LATS2: variants seen among roughly 807,000 people sequenced by gnomAD.
The protein encoded by LATS2 is serine/threonine-protein kinase LATS2.
In LATS2, 24 loss-of-function variants were observed where a neutral mutation model predicts 76.0. The observed-to-expected ratio is 0.32, with a 90% confidence interval of 0.23 to 0.44. The LOEUF is 0.44. LATS2 is among the 20% of genes least tolerant of loss of function. The probability of loss-of-function intolerance (pLI) is 1.00; values close to 1 mark genes in which losing one functional copy is unlikely to be tolerated. For missense variants in LATS2, 1,286 were observed against 1,481.2 expected (o/e 0.87, Z 2.16); for synonymous variants, 692 against 635.4 (o/e 1.09, Z -1.34).
intron 2 of LATS2, among the ~76,000 whole-genome samples, chr13:21,019,295 TTTGTTATTA>T (rs1871936975): frequency 2.8e-5 from 3 of 108,770 alleles, no homozygotes; most frequent in South Asian, 3.4e-4. Flanking sequence ...CTCACTTGGA[TTTGTTATTA>T]TTATTATTAT....
chr13:21,048,048 G>C (rs1471171875), intron 1 of LATS2, among the ~76,000 whole-genome samples: 1 of 152,228 alleles, frequency 6.6e-6, no homozygotes, highest in East Asian at 1.9e-4. Flanking sequence ...TCCAGGGACA[G>C]CCCAGATCCC....
At chr13:21,038,024 T>G (rs544289099) in intron 2 of LATS2, among the ~76,000 whole-genome samples, 209 of 152,290 alleles carry the variant, frequency 1.4e-3, no homozygotes, top group Non-Finnish European at 2.4e-3. Context: ...GTGGACCGCT[T>G]GAGCCCAGGA....
At chr13:21,021,474 CAAAAAAAAAAAAAA>C (rs58976562) in intron 2 of LATS2, among the ~76,000 whole-genome samples, 4 of 48,372 alleles carry the variant, frequency 8.3e-5, no homozygotes, top group South Asian at 8.3e-4. Flanking sequence ...GACTCTGTCT[CAAAAAAAAAAAAAA>C]AAAAAAAAAA....
intron 2 of LATS2, among the ~76,000 whole-genome samples, chr13:21,028,076 C>T (rs1160788730): frequency 2.0e-5 from 3 of 152,074 alleles, no homozygotes; most frequent in African/African-American, 7.2e-5. Context: ...GCTATCCCTC[C>T]CCCTTCCCCC....
chr13:20,978,743 G>C (rs1420535835), intron 7 of LATS2, among the ~76,000 whole-genome samples: 2 of 152,078 alleles, frequency 1.3e-5, no homozygotes, highest in Non-Finnish European at 2.9e-5. Context: ...TATTAAAATA[G>C]TAAACCTATT....
At chr13:20,997,639 A>G (rs9552322) in intron 2 of LATS2, among the ~76,000 whole-genome samples, 23,923 of 152,160 alleles carry the variant, frequency 0.16, 2,751 homozygotes, top group East Asian at 0.47. Flanking sequence ...ACCAGCTGCC[A>G]GACAGCCTAG....
intron 1 of LATS2, among the ~76,000 whole-genome samples, chr13:21,047,077 C>A (rs1309280717): frequency 1.3e-5 from 2 of 152,042 alleles, no homozygotes; most frequent in East Asian, 1.9e-4. Context: ...TTACATGGAA[C>A]GCGATGTCAC....
rs775060105 is a variant in LATS2 at position 20,979,671 on chromosome 13, C to T, written c.2772+20G>A. On this transcript the variant is annotated intron_variant, in intron 7 of 7. Transcript: ENST00000382592. ...ATCAGATGTCTACAGCAAGCAGATG[C>T]GTGGTTCCTCTCACATTACCTTCAG... 34 of 1,398,450 alleles carry T rather than the reference C, an allele frequency of 2.4e-5. No homozygotes were observed. The highest frequency in any genetic ancestry group is 3.4e-5 in the Admixed American group (2 of 59,184). 86.6% of individuals were successfully genotyped at this position (1,398,450 alleles called of 1,614,324 possible). A position where few individuals can be genotyped will look rare whatever the true frequency, so the allele number is the denominator to read the frequency against.
Position 21,030,958 on chromosome 13 carries a change from T to C in LATS2, c.342+14727A>G, listed in dbSNP as rs545891015. ...TCCCCCGGAAATGTCTTTACGACACTTTCATTTCAGAAAGACAGTTTGCTA... is the reference window on the plus strand; with the variant it reads ...TCCCCCGGAAATGTCTTTACGACACCTTCATTTCAGAAAGACAGTTTGCTA... On this transcript the variant is annotated intron_variant, in intron 2 of 7. Transcript: ENST00000382592. Among the ~76,000 whole-genome samples, 5 of 152,212 alleles carry C rather than the reference T, an allele frequency of 3.3e-5. No homozygotes were observed. In the South Asian group the frequency reaches 1.0e-3, roughly 32 times the overall value.
intron 2 of LATS2, among the ~76,000 whole-genome samples, chr13:21,022,059 A>G (rs2138362843): frequency 6.6e-6 from 1 of 152,354 alleles, no homozygotes; most frequent in East Asian, 1.9e-4. Flanking sequence ...AGGAGAAAAG[A>G]CTATTTTCGT....
At position 20,987,964 on chromosome 13, in the gene LATS2, TGAAGAACTTAAA is replaced by T; in HGVS notation, c.1804_1815del (p.Phe602_Phe605del). The T allele has an allele frequency of 6.2e-7, 1 of 1,614,246 alleles. No individual in the cohort carries two copies. The highest frequency in any genetic ancestry group is 1.3e-5 in the African/African-American group (1 of 75,076). On this transcript the variant is annotated inframe_deletion, in exon 4 of 8. Coordinates refer to ENST00000382592, the MANE Select transcript of LATS2 (RefSeq NM_014572.3). ...ATGACATTCTCCACGTGCTGCTCCATGAAGAACTTAAAGGCGTATGGCGAGTAGCTCTTGATG... is the reference window on the plus strand; with the variant it reads ...ATGACATTCTCCACGTGCTGCTCCATGGCGTATGGCGAGTAGCTCTTGATG...
intron 2 of LATS2, among the ~76,000 whole-genome samples, chr13:20,997,731 T>G (rs1870820396): frequency 6.6e-6 from 1 of 152,212 alleles, no homozygotes; most frequent in South Asian, 2.1e-4. Flanking sequence ...GGGTGGGAAC[T>G]GGAAGACACT....
At chr13:20,998,811 G>A (rs924550343) in intron 2 of LATS2, among the ~76,000 whole-genome samples, 1 of 152,106 alleles carries the variant, frequency 6.6e-6, no homozygotes, top group Non-Finnish European at 1.5e-5. Context: ...TGTCCACACG[G>A]GGCGGGGGCC....
At position 20,975,370 on chromosome 13, in the gene LATS2, G is replaced by A. The variant is rs1349059650; in HGVS notation, c.2773-6C>T. ...GTGTTCTCCCAGTTGATCACCTGAGGAAACAACAGAGCCAACAGGTTAGTT... is the reference window on the plus strand; with the variant it reads ...GTGTTCTCCCAGTTGATCACCTGAGAAAACAACAGAGCCAACAGGTTAGTT... On this transcript the variant is annotated splice_polypyrimidine_tract_variant and splice_region_variant and intron_variant, in intron 7 of 7. Coordinates refer to ENST00000382592, the MANE Select transcript of LATS2 (RefSeq NM_014572.3). The A allele has an allele frequency of 7.1e-6, 11 of 1,541,490 alleles. No homozygotes were observed. Among genetic ancestry groups the A allele is most frequent in the African/African-American group, 1.4e-5 (1 of 72,382 alleles).
chr13:20,984,959 T>G (rs1021778669), intron 4 of LATS2, among the ~76,000 whole-genome samples: 1 of 152,066 alleles, frequency 6.6e-6, no homozygotes, highest in Non-Finnish European at 1.5e-5. Flanking sequence ...AACAGACACA[T>G]AGACCAATGG....
intron 1 of LATS2, among the ~76,000 whole-genome samples, chr13:21,056,896 G>C (rs895051225): frequency 2.6e-5 from 4 of 152,186 alleles, no homozygotes; most frequent in African/African-American, 7.2e-5. Flanking sequence ...GCTATTCTTG[G>C]AGCCTGGAAC....
At chr13:21,053,325 G>A (rs1484032583) in intron 1 of LATS2, among the ~76,000 whole-genome samples, 1 of 148,726 alleles carries the variant, frequency 6.7e-6, no homozygotes, top group Middle Eastern at 3.2e-3. Context: ...CCCTCCCACA[G>A]AAGGACCTTC....
At chr13:21,001,852 C>A (rs1039497285) in intron 2 of LATS2, among the ~76,000 whole-genome samples, 2 of 151,788 alleles carry the variant, frequency 1.3e-5, no homozygotes, top group Non-Finnish European at 2.9e-5. Context: ...GCACTCCAGC[C>A]TGGGCGACAG....
At chr13:21,018,939 C>G (rs905670202) in intron 2 of LATS2, among the ~76,000 whole-genome samples, 5 of 152,104 alleles carry the variant, frequency 3.3e-5, no homozygotes, top group African/African-American at 1.2e-4. Context: ...AGCCACTGTG[C>G]CTGGACCCGA....
Sources: gnomAD v4.1 joint callset for allele counts (sites outside exome capture counted in the v4.1 genomes callset) on GRCh38, gnomAD v4.1.1 for gene constraint, MANE v1.5 for transcripts, NCBI Gene and HGNC (gene_info 2026-07-23, HGNC 2026-07-21) for gene names.